NLRP8: variants seen among roughly 807,000 people sequenced by gnomAD.
NLRP8 encodes the protein NACHT, LRR and PYD domains-containing protein 8.
NLRP8 carries 86 observed loss-of-function variants against 88.7 expected under a neutral mutation model. The ratio of observed to expected loss-of-function variants is 0.97; its 90% confidence interval spans 0.81 to 1.16. NLRP8 has a LOEUF of 1.16. Among genes scored for constraint, NLRP8 ranks in the 50% most tolerant of loss-of-function variants. The pLI, the probability that NLRP8 is intolerant of heterozygous loss-of-function variation, is 0.00. For synonymous variants in NLRP8, 504 were observed against 494.6 expected (o/e 1.02, Z -0.25); for missense variants, 1,342 against 1,286.5 (o/e 1.04, Z -0.66).
intron 9 of NLRP8, among the ~76,000 whole-genome samples, chr19:55,980,838 T>G (rs920366723): frequency 1.3e-5 from 2 of 152,106 alleles, no homozygotes; most frequent in Admixed American, 6.6e-5. Flanking sequence ...GTGTGATTTG[T>G]AGGAGGAGGG....
At chr19:55,981,118 A>G (rs1451545970) in intron 9 of NLRP8, among the ~76,000 whole-genome samples, 1 of 152,180 alleles carries the variant, frequency 6.6e-6, no homozygotes, top group East Asian at 1.9e-4. Flanking sequence ...CCTGTAGTGG[A>G]AGGAGACTTC....
In NLRP8 at chr19:55,987,937, G is replaced by A; in HGVS notation, c.*24G>A. 1 of 1,554,318 alleles carries A rather than the reference G, an allele frequency of 6.4e-7. No individual in the cohort carries two copies. The highest frequency in any genetic ancestry group is 8.9e-7 in the Non-Finnish European group (1 of 1,125,664). Reference sequence around the variant, plus strand: ...AGGCCGTCCAGTCATCTTTCTCTGGGGCTTGATTGATCAGTTCCCACTCTG... The same window carrying A: ...AGGCCGTCCAGTCATCTTTCTCTGGAGCTTGATTGATCAGTTCCCACTCTG... On this transcript the variant is annotated 3_prime_UTR_variant, in exon 10 of 10. Coordinates refer to ENST00000291971, the MANE Select transcript of NLRP8 (RefSeq NM_176811.2).
intron 4 of NLRP8, 104 bp from the exon 5 acceptor site, chr19:55,966,109 G>T: frequency 1.0e-6 from 1 of 975,922 alleles, no homozygotes; most frequent in African/African-American, 1.6e-5. Context: ...GAGTGGGACT[G>T]CACCTGTCCC....
intron 9 of NLRP8, among the ~76,000 whole-genome samples, chr19:55,987,073 A>G (rs1048782026): frequency 6.6e-6 from 1 of 152,190 alleles, no homozygotes; most frequent in South Asian, 2.1e-4. Context: ...TTCGGTCTAA[A>G]ATACTGTACA....
chr19:55,952,643 G>GA (rs759635715), intron 2 of NLRP8, 31 bp downstream of exon 2: 32 of 1,576,754 alleles, frequency 2.0e-5, no homozygotes, highest in Non-Finnish European at 2.6e-5. Context: ...AGACCCTGGT[G>GA]AAAAAATGGG....
At position 55,966,255 on chromosome 19, in the gene NLRP8, C is replaced by A; in HGVS notation, c.2256C>A (p.Ile752=). The A allele has an allele frequency of 6.2e-7, 1 of 1,614,046 alleles. No homozygotes were observed. Residue 752 remains isoleucine, a synonymous_variant, in exon 5 of 10, where the codon ATC becomes ATA. Coordinates refer to ENST00000291971, the MANE Select transcript of NLRP8 (RefSeq NM_176811.2). ...GCACCATGTTGAACCAGGACTTAATCGGTGTTTTGACGGGGAACCAGCATC... is the reference window on the plus strand; with the variant it reads ...GCACCATGTTGAACCAGGACTTAATAGGTGTTTTGACGGGGAACCAGCATC...
intron 5 of NLRP8, among the ~76,000 whole-genome samples, chr19:55,969,283 C>G (rs1233398797): frequency 6.6e-6 from 1 of 152,128 alleles, no homozygotes. Context: ...ACCACAAGTC[C>G]CCAGAGTCTA....
chr19:55,959,037 C>T (rs1175574853), intron 3 of NLRP8, among the ~76,000 whole-genome samples: 1 of 150,874 alleles, frequency 6.6e-6, no homozygotes, highest in East Asian at 2.0e-4. Context: ...CGCCAACACG[C>T]CAAGCTAATT....
At chr19:55,972,346 C>T (rs1980112096) in intron 6 of NLRP8, among the ~76,000 whole-genome samples, 1 of 151,780 alleles carries the variant, frequency 6.6e-6, no homozygotes, top group African/African-American at 2.4e-5. Flanking sequence ...AACTCCTGAC[C>T]TCAGGTGATC....
chr19:55,950,209 A>G (rs150980459), intron 1 of NLRP8, among the ~76,000 whole-genome samples: 214 of 151,498 alleles, frequency 1.4e-3, no homozygotes, highest in African/African-American at 4.9e-3. Context: ...TCAGGAGTTC[A>G]AGACCAGCCC....
rs58799997 is a variant in NLRP8, at chr19:55,976,183, C to T, written c.2756C>T (p.Ala919Val). ...AATTGCTGTCAGGATATGATCTCTG[C>T]GCTCTGTAAAAATAAAACCCTGAAA... The change falls in exon 8 of 10, where the codon GCG (alanine) becomes GTG (valine). Residue 919 changes from alanine to valine, a missense_variant. Ala to Val is a moderately conservative substitution (Grantham distance 64). Transcript: ENST00000291971. The T allele has an allele frequency of 3.7e-5, 60 of 1,613,318 alleles. No homozygotes were observed. The East Asian group carries it at 5.1e-4, about 14-fold the overall frequency.
At chr19:55,984,333 G>T (rs922560492) in intron 9 of NLRP8, among the ~76,000 whole-genome samples, 3 of 152,104 alleles carry the variant, frequency 2.0e-5, no homozygotes, top group Non-Finnish European at 4.4e-5. Flanking sequence ...TTTTATACTG[G>T]TGTCAATAAT....
intron 3 of NLRP8, among the ~76,000 whole-genome samples, chr19:55,960,831 G>A (rs1457467805): frequency 1.3e-5 from 2 of 151,600 alleles, no homozygotes; most frequent in South Asian, 2.1e-4. Context: ...TTGAAAAATA[G>A]GTGTGCTAGA....
rs61740015 is a variant in NLRP8 at position 55,973,711 on chromosome 19, A to G, written c.2594A>G (p.Gln865Arg). ...GAAAGCCTTGCCTCCTGTCTCAGGC[A>G]GAGTAAGATGCTGACCCACCTGAGC... The change falls in exon 7 of 10, where the codon CAG becomes CGG. Residue 865 changes from glutamine (Q) to arginine (R), a missense_variant. By Grantham distance (43) the Gln-to-Arg change is conservative. Transcript: ENST00000291971. The G allele has an allele frequency of 0.07, 112,747 of 1,613,766 alleles. 4,203 individuals are homozygous for G. Among genetic ancestry groups the G allele is most frequent in the Non-Finnish European group, 0.077 (90,498 of 1,179,788 alleles).
intron 7 of NLRP8, among the ~76,000 whole-genome samples, chr19:55,974,717 CAG>C (rs1980229431): frequency 7.0e-6 from 1 of 143,730 alleles, no homozygotes; most frequent in African/African-American, 2.6e-5. Context: ...GCCTGGGCGA[CAG>C]AGTGAGACTC....
intron 2 of NLRP8, among the ~76,000 whole-genome samples, 156 bp from the exon 3 acceptor site, chr19:55,954,345 T>C (rs1322328172): frequency 6.6e-6 from 1 of 152,198 alleles, no homozygotes; most frequent in Non-Finnish European, 1.5e-5. Context: ...TGGTGCTTCC[T>C]AGTTGACACA....
chr19:55,964,725 C>G (rs980077932), intron 4 of NLRP8, among the ~76,000 whole-genome samples: 2 of 149,162 alleles, frequency 1.3e-5, no homozygotes, highest in African/African-American at 5.0e-5. Flanking sequence ...GCACTCCAGC[C>G]TGGGTAACAA....
chr19:55,980,021 T>C (rs1002279562), intron 9 of NLRP8, among the ~76,000 whole-genome samples: 7 of 152,232 alleles, frequency 4.6e-5, no homozygotes, highest in African/African-American at 1.7e-4. Flanking sequence ...TTAATGTAGC[T>C]GTTCAAACCC....
At chr19:55,967,909 G>A (rs1437322212) in intron 5 of NLRP8, among the ~76,000 whole-genome samples, 3 of 152,112 alleles carry the variant, frequency 2.0e-5, no homozygotes, top group Non-Finnish European at 4.4e-5. Flanking sequence ...CACTGCTAGG[G>A]TGCAGCAAAC....
Sources: gnomAD v4.1 joint callset for allele counts (sites outside exome capture counted in the v4.1 genomes callset) on GRCh38, gnomAD v4.1.1 for gene constraint, MANE v1.5 for transcripts, NCBI Gene and HGNC (gene_info 2026-07-23, HGNC 2026-07-21) for gene names.